Variants in PARD3B observed in about 807,000 individuals in gnomAD.
PARD3B encodes partitioning defective 3 homolog B.
PARD3B carries 103 observed loss-of-function variants against 130.2 expected under a neutral mutation model. The observed-to-expected ratio is 0.79, with a 90% confidence interval of 0.67 to 0.93. PARD3B has a LOEUF of 0.93. Ranked by LOEUF, PARD3B falls within the 40% of genes least tolerant of loss-of-function variation. PARD3B has a pLI of 0.00. For synonymous variants in PARD3B, 583 were observed against 553.2 expected, an observed-to-expected ratio of 1.05 and a Z score of -0.76; for missense variants, 1,609 against 1,499.2, an observed-to-expected ratio of 1.07 and a Z score of -1.21.
rs897768001 is a variant in PARD3B, at chr2:204,614,175, A to G, written c.120+68056A>G. On this transcript the variant is annotated intron_variant, in intron 1 of 22. Transcript: ENST00000406610. ...GTACTGTCCAATAGAAATATAATGCAAATCAAAAATACAAGCTACATATGC... is the reference window on the plus strand; with the variant it reads ...GTACTGTCCAATAGAAATATAATGCGAATCAAAAATACAAGCTACATATGC... Among the ~76,000 whole-genome samples the G allele has an allele frequency of 3.3e-5, 5 of 152,300 alleles. No homozygotes were observed. The East Asian group carries it at 9.6e-4, about 29-fold the overall frequency.
At chr2:205,061,465 C>T (rs529624917) in intron 4 of PARD3B, among the ~76,000 whole-genome samples, 55 of 152,072 alleles carry the variant, frequency 3.6e-4, no homozygotes, top group Non-Finnish European at 1.8e-4. Flanking sequence ...AATAAAAGTA[C>T]TTACCTCACA....
intron 18 of PARD3B, among the ~76,000 whole-genome samples, chr2:205,359,524 A>G (rs1361529320): frequency 6.6e-6 from 1 of 151,832 alleles, no homozygotes; most frequent in African/African-American, 2.4e-5. Context: ...TCTATACAAA[A>G]CTCTTTCCCT....
At chr2:204,723,691 A>G (rs1286244757) in intron 2 of PARD3B, among the ~76,000 whole-genome samples, 1 of 152,078 alleles carries the variant, frequency 6.6e-6, no homozygotes, top group African/African-American at 2.4e-5. Flanking sequence ...GTGTAGTGTG[A>G]TAAGTCATTC....
At chr2:204,922,169 A>G (rs1327904157) in intron 2 of PARD3B, among the ~76,000 whole-genome samples, 1 of 152,160 alleles carries the variant, frequency 6.6e-6, no homozygotes, top group Non-Finnish European at 1.5e-5. Context: ...GGGAGATTCA[A>G]CGGCCATTTT....
intron 21 of PARD3B, among the ~76,000 whole-genome samples, chr2:205,543,431 C>A (rs1027959956): frequency 6.6e-6 from 1 of 152,168 alleles, no homozygotes; most frequent in Non-Finnish European, 1.5e-5. Flanking sequence ...AGAATACTTG[C>A]AGACAGTCAC....
intron 21 of PARD3B, among the ~76,000 whole-genome samples, chr2:205,508,251 G>C (rs2050450916): frequency 6.6e-6 from 1 of 152,182 alleles, no homozygotes; most frequent in Non-Finnish European, 1.5e-5. Context: ...TAGAAGGTGA[G>C]ATGGGGTAAA....
rs899338706 is a variant in PARD3B at position 204,689,164 on chromosome 2, A to G, written c.222+2882A>G. ...GAGAAGGCTCTAACAAAGTTCAGCC[A>G]GTGTTCTTAAGAAATGACTTTTAAA... is the stretch of plus-strand genomic sequence containing the variant. On this transcript the variant is annotated intron_variant, in intron 2 of 22. Transcript: ENST00000406610. This position sits in a 1 kb window ranked among gnomAD's most constrained non-coding sequence, Gnocchi z 5.2. Among the ~76,000 whole-genome samples, 3 of 152,198 alleles carry G rather than the reference A, an allele frequency of 2.0e-5. No homozygotes were observed. The highest frequency in any genetic ancestry group is 4.8e-5 in the African/African-American group (2 of 41,468).
At position 205,291,155 on chromosome 2, in the gene PARD3B, C is replaced by G. The variant is rs944136431; in HGVS notation, c.2186-9375C>G. On this transcript the variant is annotated intron_variant, in intron 16 of 22. Transcript: ENST00000406610. This position sits in a 1 kb window ranked among gnomAD's most constrained non-coding sequence, Gnocchi z 4.6. ...TGGAGGCTGAAAGAGTTTTTAAGTG[C>G]ATGCTTAAAAAAGCCCACATTGTCA... is the stretch of plus-strand genomic sequence containing the variant. 1.3e-5 allele frequency among the ~76,000 whole-genome samples: 2 copies of G among 152,068 alleles called. No individual in the cohort carries two copies. Among genetic ancestry groups the G allele is most frequent in the African/African-American group, 4.8e-5 (2 of 41,418 alleles).
intron 1 of PARD3B, among the ~76,000 whole-genome samples, chr2:204,656,370 A>G (rs924212278): frequency 6.6e-6 from 1 of 152,086 alleles, no homozygotes; most frequent in Non-Finnish European, 1.5e-5. Flanking sequence ...GAAAACAAAC[A>G]AACAAACAAA....
chr2:204,919,053 C>A (rs2047563877), intron 2 of PARD3B, among the ~76,000 whole-genome samples: 1 of 152,102 alleles, frequency 6.6e-6, no homozygotes, highest in African/African-American at 2.4e-5. Flanking sequence ...GAAGACCCAT[C>A]TACTTAACAC....
chr2:205,187,031 A>T lies in PARD3B; in HGVS notation c.2024+1168A>T, dbSNP rs555244570. On this transcript the variant is annotated intron_variant, in intron 14 of 22. Coordinates refer to ENST00000406610, the MANE Select transcript of PARD3B (RefSeq NM_001302769.2). This position sits in a 1 kb window ranked among gnomAD's most constrained non-coding sequence, Gnocchi z 4.9. The stretch of plus-strand genomic sequence containing the variant: ...GTCTTCAGGAAGCTGGTAGGCTGAC[A>T]GGTAGGCTCATGGGACGACTGGAAC... Among the ~76,000 whole-genome samples, 1 of 152,330 alleles carries T rather than the reference A, an allele frequency of 6.6e-6. No individual in the cohort carries two copies. The highest frequency in any genetic ancestry group is 1.9e-4 in the East Asian group (1 of 5,154).
chr2:204,602,324 A>G (rs2033544555), intron 1 of PARD3B, among the ~76,000 whole-genome samples: 1 of 151,994 alleles, frequency 6.6e-6, no homozygotes, highest in African/African-American at 2.4e-5. Flanking sequence ...AGATGTGCTC[A>G]TTTTATTTGA....
At chr2:205,598,272 T>C (rs1039851988) in intron 22 of PARD3B, among the ~76,000 whole-genome samples, 4 of 152,008 alleles carry the variant, frequency 2.6e-5, no homozygotes, top group African/African-American at 7.3e-5. Context: ...TGGCGAAAGA[T>C]GTATCTTGCA....
At chr2:204,576,795 T>C (rs1343903037) in intron 1 of PARD3B, among the ~76,000 whole-genome samples, 1 of 152,144 alleles carries the variant, frequency 6.6e-6, no homozygotes, top group African/African-American at 2.4e-5. Flanking sequence ...CCCCTTATGG[T>C]GTCTTTCAGG....
At position 205,229,036 on chromosome 2, in the gene PARD3B, T is replaced by C. The variant is rs1275370176; in HGVS notation, c.2141-16742T>C. Among the ~76,000 whole-genome samples the C allele has an allele frequency of 1.3e-5, 2 of 152,236 alleles. No individual in the cohort carries two copies. The highest frequency in any genetic ancestry group is 2.9e-5 in the Non-Finnish European group (2 of 68,048). On this transcript the variant is annotated intron_variant, in intron 15 of 22. Transcript: ENST00000406610. The surrounding 1 kb of genome is among the most constrained non-coding windows in gnomAD (Gnocchi z 5.2). ...TTGTTACCTTGAATTTCACTGAGTTTCCTCAAAACAGCTATTTTGAATTCT... is the reference window on the plus strand; with the variant it reads ...TTGTTACCTTGAATTTCACTGAGTTCCCTCAAAACAGCTATTTTGAATTCT...
chr2:204,577,865 G>A (rs561206332), intron 1 of PARD3B, among the ~76,000 whole-genome samples: 1 of 152,154 alleles, frequency 6.6e-6, no homozygotes, highest in Non-Finnish European at 1.5e-5. Context: ...ACTGTGCCCA[G>A]CCAGTTTTCT....
intron 2 of PARD3B, among the ~76,000 whole-genome samples, chr2:204,710,931 C>T (rs2038403803): frequency 6.6e-6 from 1 of 152,160 alleles, no homozygotes; most frequent in Non-Finnish European, 1.5e-5. Flanking sequence ...ATGTTGAAAC[C>T]AGACCTAATA....
intron 21 of PARD3B, among the ~76,000 whole-genome samples, chr2:205,534,505 G>A (rs1394639301): frequency 1.3e-5 from 2 of 151,974 alleles, no homozygotes; most frequent in African/African-American, 4.8e-5. Flanking sequence ...GTGTCGCCTA[G>A]GCTAGAGTGC....
chr2:205,597,816 G>T lies in PARD3B; in HGVS notation c.3261-17640G>T, dbSNP rs369140450. On this transcript the variant is annotated intron_variant, in intron 22 of 22. Transcript: ENST00000406610. Reference sequence around the variant, plus strand: ...AAACCTTAAAAACCAGAAGAGACTGGGGGCTTGTTTACAGCATCCTTAAAG... The same window carrying T: ...AAACCTTAAAAACCAGAAGAGACTGTGGGCTTGTTTACAGCATCCTTAAAG... Among the ~76,000 whole-genome samples the T allele has an allele frequency of 1.9e-3, 294 of 152,284 alleles. 15 individuals are homozygous for T. In the South Asian group the frequency reaches 0.059, roughly 31 times the overall value.
Sources: allele counts gnomAD v4.1 joint callset (sites outside exome capture counted in the v4.1 genomes callset), GRCh38; gene constraint gnomAD v4.1.1; non-coding constraint Gnocchi (gnomAD v3.1); transcripts MANE v1.5; gene names NCBI Gene and HGNC (gene_info 2026-07-23, HGNC 2026-07-21).